The following ANKRD30B variants were observed in gnomAD, a reference collection of about 807,000 sequenced individuals.
ANKRD30B encodes the protein ankyrin repeat domain-containing protein 30B.
ANKRD30B carries 144 observed loss-of-function variants against 202.2 expected under a neutral mutation model. That is an observed-to-expected ratio of 0.71 (90% CI 0.62 to 0.82). The LOEUF (loss-of-function observed/expected upper bound fraction) is 0.82. Ranked by LOEUF, ANKRD30B falls within the 40% of genes least tolerant of loss-of-function variation. The pLI, the probability that ANKRD30B is intolerant of heterozygous loss-of-function variation, is 0.00. For synonymous variants in ANKRD30B, 508 were observed against 561.3 expected, an observed-to-expected ratio of 0.91 and a Z score of 1.34; for missense variants, 1,487 against 1,669.1, an observed-to-expected ratio of 0.89 and a Z score of 1.90.
chr18:14,848,880 CAGTT>C lies in ANKRD30B; in HGVS notation c.3349_3352del (p.Leu1117ArgfsTer14), dbSNP rs762456058. The C allele has an allele frequency of 5.6e-6, 9 of 1,600,602 alleles. No homozygotes were observed. Among genetic ancestry groups the C allele is most frequent in the African/African-American group, 1.3e-5 (1 of 74,180 alleles). On this transcript the variant is annotated frameshift_variant, in exon 40 of 44. Coordinates refer to ENST00000690538, the MANE Select transcript of ANKRD30B (RefSeq NM_001367607.2). LOFTEE classifies it high-confidence loss of function. ...GTCAGAAGCGAAAGAAATAAAATCA[CAGTT>C]AGAGAACCAAAAAGCTAAATGGGAA...
At chr18:14,798,640 G>A (rs894490992) in intron 20 of ANKRD30B, among the ~76,000 whole-genome samples, 12 of 152,046 alleles carry the variant, frequency 7.9e-5, no homozygotes, top group African/African-American at 2.9e-4. Flanking sequence ...CATATGGACA[G>A]GCACCCCCCT....
At chr18:14,914,672 G>T in the ANKRD30B span, among the ~76,000 whole-genome samples, 1 of 152,158 alleles carries the variant, frequency 6.6e-6, no homozygotes, top group South Asian at 2.1e-4. Flanking sequence ...GGAAGTAAGG[G>T]TGTTGAGTTT....
intron 42 of ANKRD30B, 107 bp downstream of exon 42, chr18:14,852,527 G>A: frequency 1.5e-6 from 2 of 1,326,664 alleles, no homozygotes; most frequent in Non-Finnish European, 2.0e-6. Context: ...GATGATAAAT[G>A]TACTTACTAT....
At chr18:14,826,661 T>TCA (rs1769022470) in intron 32 of ANKRD30B, among the ~76,000 whole-genome samples, 2 of 137,296 alleles carry the variant, frequency 1.5e-5, no homozygotes, top group Admixed American at 7.8e-5. Context: ...ATTGTTTCTC[T>TCA]CTCTCTCTCT....
chr18:14,793,698 T>C (rs1051874674), intron 16 of ANKRD30B, among the ~76,000 whole-genome samples: 2 of 151,966 alleles, frequency 1.3e-5, no homozygotes, highest in Admixed American at 6.6e-5. Flanking sequence ...ATCCAGACCA[T>C]CCTGGCTAAC....
At chr18:14,872,156 T>C in the ANKRD30B span, among the ~76,000 whole-genome samples, 4 of 152,206 alleles carry the variant, frequency 2.6e-5, no homozygotes, top group Non-Finnish European at 5.9e-5. Context: ...AGGCTCTATG[T>C]TATTCTGACC....
the ANKRD30B span, among the ~76,000 whole-genome samples, chr18:14,911,785 G>C: frequency 6.6e-6 from 1 of 152,020 alleles, no homozygotes; most frequent in Non-Finnish European, 1.5e-5. Context: ...TTGTTTGTGT[G>C]ATCAATATTT....
intron 9 of ANKRD30B, among the ~76,000 whole-genome samples, chr18:14,775,196 C>G (rs1212330596): frequency 6.6e-6 from 1 of 152,206 alleles, no homozygotes; most frequent in Non-Finnish European, 1.5e-5. Context: ...AATCATGTAT[C>G]AAGTAGATAA....
chr18:14,859,041 G>A (rs1249776920), downstream of ANKRD30B, among the ~76,000 whole-genome samples: 182 of 116,682 alleles, frequency 1.6e-3, no homozygotes, highest in Non-Finnish European at 2.8e-3. Flanking sequence ...CCAGGCAGAG[G>A]TGCTCCTCGC....
chr18:14,786,584 C>G (rs1392642620), intron 14 of ANKRD30B, among the ~76,000 whole-genome samples: 1 of 152,088 alleles, frequency 6.6e-6, no homozygotes, highest in East Asian at 1.9e-4. Context: ...AGTTAATATT[C>G]CTAAAAAATT....
chr18:14,938,045 A>G, the ANKRD30B span, among the ~76,000 whole-genome samples: 1 of 152,120 alleles, frequency 6.6e-6, no homozygotes, highest in African/African-American at 2.4e-5. Context: ...GATGATGCTC[A>G]TCTTCCCAGG....
chr18:14,779,369 T>C (rs1411350219), intron 10 of ANKRD30B, among the ~76,000 whole-genome samples: 3 of 152,248 alleles, frequency 2.0e-5, no homozygotes, highest in Non-Finnish European at 4.4e-5. Flanking sequence ...TATCTCATTG[T>C]AATTAAAGCA....
At chr18:14,889,748 A>T in the ANKRD30B span, among the ~76,000 whole-genome samples, 3 of 150,234 alleles carry the variant, frequency 2.0e-5, no homozygotes, top group Admixed American at 1.3e-4. Context: ...AAGGATCCTT[A>T]GAGGTCAGCT....
chr18:14,827,517 G>GT lies in ANKRD30B; in HGVS notation c.2744-754dup, dbSNP rs886999165. Among the ~76,000 whole-genome samples the GT allele has an allele frequency of 1.1e-4, 16 of 152,218 alleles. No individual in the cohort carries two copies. The Middle Eastern group carries it at 0.014, about 129-fold the overall frequency. The stretch of plus-strand genomic sequence containing the variant: ...GGAATTAAATAGAGGACAGTCAGCT[G>GT]TTTTTTTCTACAGAATTCATTGCTT... On this transcript the variant is annotated intron_variant, in intron 32 of 43. Transcript: ENST00000690538.
chr18:14,903,879 G>A, the ANKRD30B span, among the ~76,000 whole-genome samples: 1 of 152,176 alleles, frequency 6.6e-6, no homozygotes, highest in Non-Finnish European at 1.5e-5. Flanking sequence ...CTACATCGAG[G>A]AACAACTACA....
chr18:14,847,035 T>TTTTATG (rs1971666071), intron 39 of ANKRD30B, among the ~76,000 whole-genome samples: 1 of 144,802 alleles, frequency 6.9e-6, no homozygotes, highest in Non-Finnish European at 1.5e-5. Flanking sequence ...GTTTAGTAAT[T>TTTTATG]TTTATGATTT....
At chr18:14,868,661 G>A in the ANKRD30B span, among the ~76,000 whole-genome samples, 2 of 152,266 alleles carry the variant, frequency 1.3e-5, no homozygotes, top group African/African-American at 4.8e-5. Flanking sequence ...AAGAGGCGAG[G>A]CTTAGACCGG....
chr18:14,896,646 C>A, the ANKRD30B span, among the ~76,000 whole-genome samples: 12 of 146,370 alleles, frequency 8.2e-5, no homozygotes, highest in South Asian at 2.6e-3. Flanking sequence ...GGATTAAGAT[C>A]TTCTTCCCCA....
chr18:14,822,723 A>C, intron 32 of ANKRD30B, 46 bp downstream of exon 32: 1 of 1,191,360 alleles, frequency 8.4e-7, no homozygotes, highest in Non-Finnish European at 1.2e-6. Flanking sequence ...AGAACATTAA[A>C]ATATTTGAAG....
Sources: gnomAD v4.1 joint callset for allele counts (sites outside exome capture counted in the v4.1 genomes callset) on GRCh38, gnomAD v4.1.1 for gene constraint, MANE v1.5 for transcripts, NCBI Gene and HGNC (gene_info 2026-07-23, HGNC 2026-07-21) for gene names.